The following YPEL1 variants were observed in gnomAD, a reference collection of about 807,000 sequenced individuals.
The protein encoded by YPEL1 is yippee like 1.
Under a neutral mutation model 17.3 loss-of-function variants are expected in YPEL1, and 7 were observed. That is an observed-to-expected ratio of 0.40 (90% CI 0.23 to 0.76). The LOEUF (loss-of-function observed/expected upper bound fraction) is 0.76. Among genes scored for constraint, YPEL1 ranks in the 30% least tolerant of loss-of-function variants. The pLI is 0.35. For synonymous variants in YPEL1, 59 were observed against 59.6 expected (o/e 0.99, Z 0.05); for missense variants, 91 against 155.5 (o/e 0.59, Z 2.21).
At chr22:21,715,490 C>T (rs2068212186) in intron 1 of YPEL1, among the ~76,000 whole-genome samples, 1 of 151,838 alleles carries the variant, frequency 6.6e-6, no homozygotes, top group African/African-American at 2.4e-5. Context: ...GAGACTCCAT[C>T]TCAAGAAAAA....
intron 1 of YPEL1, among the ~76,000 whole-genome samples, chr22:21,729,101 C>T (rs979525095): frequency 1.3e-5 from 2 of 149,586 alleles, no homozygotes; most frequent in African/African-American, 2.5e-5. Context: ...TGAGATTGCG[C>T]CATTGTACTC....
At chr22:21,730,886 C>G (rs1268087736) in intron 1 of YPEL1, among the ~76,000 whole-genome samples, 2 of 152,254 alleles carry the variant, frequency 1.3e-5, no homozygotes, top group Admixed American at 6.5e-5. Flanking sequence ...GCCCTCCAGG[C>G]TCTCTCCTCC....
At chr22:21,708,770 G>A (rs2068137968) in intron 2 of YPEL1, among the ~76,000 whole-genome samples, 1 of 149,112 alleles carries the variant, frequency 6.7e-6, no homozygotes, top group Non-Finnish European at 1.5e-5. Context: ...AGGTTCAAAC[G>A]ATTCTCCTGC....
At chr22:21,714,623 C>T (rs906338392) in intron 1 of YPEL1, among the ~76,000 whole-genome samples, 3 of 152,252 alleles carry the variant, frequency 2.0e-5, no homozygotes, top group Non-Finnish European at 2.9e-5. Flanking sequence ...TCTCCTGAGC[C>T]GCACAGGCAG....
chr22:21,717,194 G>C (rs371430332), intron 1 of YPEL1, among the ~76,000 whole-genome samples: 17 of 151,972 alleles, frequency 1.1e-4, no homozygotes, highest in African/African-American at 4.1e-4. Flanking sequence ...TGGCCAACAC[G>C]GTGAAACCCC....
intron 2 of YPEL1, among the ~76,000 whole-genome samples, chr22:21,708,152 G>C (rs766951180): frequency 1.3e-5 from 2 of 151,942 alleles, no homozygotes; most frequent in African/African-American, 4.8e-5. Context: ...GAATCACCAC[G>C]GAAGGGAGAA....
chr22:21,728,075 TG>T (rs2058416960), intron 1 of YPEL1, among the ~76,000 whole-genome samples: 1 of 152,150 alleles, frequency 6.6e-6, no homozygotes, highest in Admixed American at 6.5e-5. Flanking sequence ...AGTGCTCATG[TG>T]GCCCCGCCAT....
chr22:21,717,981 A>G (rs1295443892), intron 1 of YPEL1, among the ~76,000 whole-genome samples: 1 of 152,044 alleles, frequency 6.6e-6, no homozygotes, highest in Non-Finnish European at 1.5e-5. Flanking sequence ...GTGTTTTTCA[A>G]TTAGCCAAGT....
At chr22:21,728,638 A>C (rs1210907336) in intron 1 of YPEL1, among the ~76,000 whole-genome samples, 4 of 152,186 alleles carry the variant, frequency 2.6e-5, no homozygotes, top group Non-Finnish European at 4.4e-5. Context: ...ACGGTGTCCA[A>C]GGTGGAACAT....
At chr22:21,732,994 C>T (rs754983402) in intron 1 of YPEL1, among the ~76,000 whole-genome samples, 4 of 151,932 alleles carry the variant, frequency 2.6e-5, no homozygotes, top group Non-Finnish European at 5.9e-5. Context: ...TGCACACCCA[C>T]AGTCCCAGCT....
At chr22:21,716,882 A>G (rs961155522) in intron 1 of YPEL1, among the ~76,000 whole-genome samples, 1 of 152,208 alleles carries the variant, frequency 6.6e-6, no homozygotes, top group Non-Finnish European at 1.5e-5. Flanking sequence ...ACCTGTACTC[A>G]CGGAGGGAAC....
intron 1 of YPEL1, 92 bp from the exon 2 acceptor site, chr22:21,711,000 C>G (rs563859427): frequency 8.0e-6 from 3 of 373,000 alleles, no homozygotes; most frequent in East Asian, 5.1e-5. Flanking sequence ...AAGCAACACG[C>G]GGGGTGGGGG....
rs35100577 is a variant in YPEL1, at chr22:21,698,261, CA to C, written c.*2867del. 0.17 allele frequency: 20,383 copies of C among 123,124 alleles called. 1,462 individuals carry two copies. Among genetic ancestry groups the C allele is most frequent in the Non-Finnish European group, 0.18 (10,749 of 59,884 alleles). The allele number at this position is 123,124 out of a possible 1,614,324, so 7.6% of individuals were successfully genotyped here. On this transcript the variant is annotated 3_prime_UTR_variant, in exon 5 of 5. Transcript: ENST00000339468. ...ATAAAAGTGTTGTTGGTATAAATTA[CA>C]AAAAAAAAAAAAAATACAAAAGTCA...
At chr22:21,732,519 C>T (rs146979646) in intron 1 of YPEL1, among the ~76,000 whole-genome samples, 3,524 of 152,264 alleles carry the variant, frequency 0.023, 144 homozygotes, top group African/African-American at 0.081. Context: ...CGGTGGCTCA[C>T]GCCTGTAATC....
At chr22:21,712,973 G>A (rs186636421) in intron 1 of YPEL1, among the ~76,000 whole-genome samples, 104 of 152,146 alleles carry the variant, frequency 6.8e-4, no homozygotes, top group Non-Finnish European at 1.2e-3. Flanking sequence ...ACATTTCTCC[G>A]AAGAAGATAT....
chr22:21,730,637 G>T (rs1601644825), intron 1 of YPEL1, among the ~76,000 whole-genome samples: 1 of 152,224 alleles, frequency 6.6e-6, no homozygotes. Flanking sequence ...GGCAATTCCA[G>T]CTTCCATCCA....
intron 1 of YPEL1, among the ~76,000 whole-genome samples, chr22:21,727,747 CA>C (rs1237513292): frequency 2.0e-5 from 3 of 152,182 alleles, no homozygotes; most frequent in Non-Finnish European, 4.4e-5. Context: ...CTTTTTCAAC[CA>C]CCCCACTGGG....
chr22:21,698,887 G>C lies in YPEL1; in HGVS notation c.*2242C>G, dbSNP rs188691472. ...CGGGGGAGACTAGCGCAGGGATAAAGCAGCTTGCAGGGCCATAGCCGGATG... is the reference window on the plus strand; with the variant it reads ...CGGGGGAGACTAGCGCAGGGATAAACCAGCTTGCAGGGCCATAGCCGGATG... On this transcript the variant is annotated 3_prime_UTR_variant, in exon 5 of 5. Coordinates refer to ENST00000339468, the MANE Select transcript of YPEL1 (RefSeq NM_013313.5). 1.3e-5 allele frequency: 2 copies of C among 152,614 alleles called. No homozygotes were observed. Among genetic ancestry groups the C allele is most frequent in the East Asian group, 3.8e-4 (2 of 5,328 alleles). 9.5% of individuals were successfully genotyped at this position (152,614 alleles called of 1,614,324 possible). A position where few individuals can be genotyped will look rare whatever the true frequency, so the allele number is the denominator to read the frequency against.
chr22:21,732,713 C>T (rs957495532), intron 1 of YPEL1, among the ~76,000 whole-genome samples: 3 of 151,380 alleles, frequency 2.0e-5, no homozygotes, highest in Non-Finnish European at 4.4e-5. Context: ...ACCCGGGAGG[C>T]GGAGGCTGCA....
Sources: gnomAD v4.1 joint callset for allele counts (sites outside exome capture counted in the v4.1 genomes callset) on GRCh38, gnomAD v4.1.1 for gene constraint, MANE v1.5 for transcripts, NCBI Gene and HGNC (gene_info 2026-07-23, HGNC 2026-07-21) for gene names.